The following REC114 variants were observed in gnomAD, a reference collection of about 807,000 sequenced individuals.
The protein encoded by REC114 is meiotic recombination protein REC114.
A neutral mutation model predicts 31.3 loss-of-function variants in REC114; 27 were observed. That is an observed-to-expected ratio of 0.86 (90% confidence interval 0.64 to 1.19). REC114 has a LOEUF of 1.19. Ranked by LOEUF, REC114 falls within the 50% of genes most tolerant of loss-of-function variation. The pLI, the probability that REC114 is intolerant of heterozygous loss-of-function variation, is 0.00. For missense variants in REC114, 344 were observed against 326.9 expected, an observed-to-expected ratio of 1.05 and a Z score of -0.40; for synonymous variants, 134 against 127.7, an observed-to-expected ratio of 1.05 and a Z score of -0.33.
intron 1 of REC114, among the ~76,000 whole-genome samples, chr15:73,455,178 A>T (rs1489262633): frequency 6.6e-6 from 1 of 152,096 alleles, no homozygotes. Flanking sequence ...CACTGGGACT[A>T]TTGTGCAGTA....
intron 1 of REC114, among the ~76,000 whole-genome samples, chr15:73,470,721 G>A (rs1300113384): frequency 6.6e-6 from 1 of 152,196 alleles, no homozygotes; most frequent in Non-Finnish European, 1.5e-5. Flanking sequence ...TAAAGCTGGA[G>A]AAGGGAATAG....
intron 1 of REC114, among the ~76,000 whole-genome samples, chr15:73,452,321 G>A (rs1029062289): frequency 6.6e-6 from 1 of 152,162 alleles, no homozygotes; most frequent in African/African-American, 2.4e-5. Context: ...AAAATCACAA[G>A]CATTCCTATA....
intron 1 of REC114, among the ~76,000 whole-genome samples, chr15:73,462,741 C>T (rs976957055): frequency 6.6e-6 from 1 of 151,872 alleles, no homozygotes; most frequent in Non-Finnish European, 1.5e-5. Flanking sequence ...AAAAATTAGC[C>T]GGGCATGGTA....
At chr15:73,481,697 C>T (rs1352983324) in intron 2 of REC114, among the ~76,000 whole-genome samples, 15 of 122,760 alleles carry the variant, frequency 1.2e-4, no homozygotes, top group African/African-American at 3.7e-4. Context: ...CTCACTCTGT[C>T]GCCTAGGCTG....
chr15:73,489,357 C>A (rs928194831), intron 2 of REC114, among the ~76,000 whole-genome samples: 2 of 152,002 alleles, frequency 1.3e-5, no homozygotes, highest in Admixed American at 6.6e-5. Flanking sequence ...GCAGGTGCAA[C>A]CACGCCCAGA....
At chr15:73,510,225 A>G (rs370251969) in intron 2 of REC114, among the ~76,000 whole-genome samples, 2 of 152,274 alleles carry the variant, frequency 1.3e-5, no homozygotes, top group East Asian at 3.9e-4. Context: ...GAGTTCACTT[A>G]TGATTTAGCT....
chr15:73,448,102 T>G (rs1294708887), intron 1 of REC114, among the ~76,000 whole-genome samples: 2 of 151,712 alleles, frequency 1.3e-5, no homozygotes, highest in African/African-American at 2.4e-5. Context: ...TTTGTTTGTT[T>G]TTTTTTTTTC....
chr15:73,552,875 G>C (rs1031390465), intron 4 of REC114, among the ~76,000 whole-genome samples: 3 of 152,116 alleles, frequency 2.0e-5, no homozygotes, highest in African/African-American at 7.2e-5. Flanking sequence ...GTGTGCAATG[G>C]CACGATCTCG....
chr15:73,550,878 C>G, intron 3 of REC114, 60 bp from the exon 4 acceptor site: 1 of 1,538,628 alleles, frequency 6.5e-7, no homozygotes, highest in South Asian at 1.1e-5. Context: ...AGTGGAAGAC[C>G]CCAAAGTAAA....
At chr15:73,528,016 G>A (rs917531472) in intron 2 of REC114, among the ~76,000 whole-genome samples, 1 of 152,066 alleles carries the variant, frequency 6.6e-6, no homozygotes, top group Non-Finnish European at 1.5e-5. Context: ...GCAAAGGATC[G>A]AAACAGCAAA....
intron 2 of REC114, among the ~76,000 whole-genome samples, chr15:73,493,653 A>G (rs1893476165): frequency 6.6e-6 from 1 of 152,188 alleles, no homozygotes; most frequent in African/African-American, 2.4e-5. Context: ...AGACCTGGCT[A>G]ATATAAGTTT....
chr15:73,544,870 C>G (rs1163734826), intron 3 of REC114, among the ~76,000 whole-genome samples: 1 of 152,204 alleles, frequency 6.6e-6, no homozygotes, highest in Admixed American at 6.5e-5. Context: ...AAATTTCTTA[C>G]CAACCTGGGT....
intron 5 of REC114, among the ~76,000 whole-genome samples, chr15:73,557,555 CCTAA>C (rs1439483726): frequency 1.3e-5 from 2 of 151,878 alleles, no homozygotes; most frequent in East Asian, 1.9e-4. Context: ...TTAATAAACC[CCTAA>C]CTATGAAAAA....
chr15:73,452,162 G>A (rs1012281832), intron 1 of REC114, among the ~76,000 whole-genome samples: 2 of 152,036 alleles, frequency 1.3e-5, no homozygotes, highest in Non-Finnish European at 2.9e-5. Flanking sequence ...AGAAATAAAG[G>A]GTATTCAGAT....
At chr15:73,492,962 T>C (rs1471192592) in intron 2 of REC114, among the ~76,000 whole-genome samples, 1 of 152,066 alleles carries the variant, frequency 6.6e-6, no homozygotes, top group Non-Finnish European at 1.5e-5. Context: ...GGGTTATCTT[T>C]ATGTAGTTTT....
intron 3 of REC114, among the ~76,000 whole-genome samples, chr15:73,543,888 A>G (rs1033732166): frequency 2.7e-5 from 4 of 149,078 alleles, no homozygotes. Context: ...CGTCTTCCTG[A>G]CTTGCATGGG....
At chr15:73,558,791 C>G (rs1370275448) in intron 5 of REC114, among the ~76,000 whole-genome samples, 1 of 152,202 alleles carries the variant, frequency 6.6e-6, no homozygotes, top group Non-Finnish European at 1.5e-5. Context: ...CCACATGACT[C>G]AATCCTAGGT....
At chr15:73,473,384 T>C (rs1339015583) in intron 1 of REC114, among the ~76,000 whole-genome samples, 2 of 151,038 alleles carry the variant, frequency 1.3e-5, no homozygotes, top group Non-Finnish European at 2.9e-5. Context: ...AGTGAAACTC[T>C]GTCTCAAAAA....
intron 2 of REC114, among the ~76,000 whole-genome samples, chr15:73,496,295 T>C (rs1893523146): frequency 7.5e-6 from 1 of 132,630 alleles, no homozygotes; most frequent in South Asian, 2.3e-4. Flanking sequence ...GAGGTTGCAG[T>C]GAGCTGAGAT....
Sources: allele counts gnomAD v4.1 joint callset (sites outside exome capture counted in the v4.1 genomes callset), GRCh38; gene constraint gnomAD v4.1.1; transcripts MANE v1.5; gene names NCBI Gene and HGNC (gene_info 2026-07-23, HGNC 2026-07-21).